AKAP19: variants seen among roughly 807,000 people sequenced by gnomAD.
AKAP19 encodes small A-kinase anchoring protein.
At chr2:190,156,863 T>C in the AKAP19 span, among the ~76,000 whole-genome samples, 1 of 152,132 alleles carries the variant, frequency 6.6e-6, no homozygotes. Flanking sequence ...TAATTAAAAA[T>C]ACATTTACCT....
At chr2:190,018,336 T>C in the AKAP19 span, among the ~76,000 whole-genome samples, 1 of 151,644 alleles carries the variant, frequency 6.6e-6, no homozygotes, top group Non-Finnish European at 1.5e-5. Flanking sequence ...TCCTTCTTAA[T>C]TTTTTTTTCG....
At chr2:190,182,489 C>G in the AKAP19 span, among the ~76,000 whole-genome samples, 8 of 152,152 alleles carry the variant, frequency 5.3e-5, no homozygotes, top group Non-Finnish European at 1.5e-5. Context: ...TATACTTTGT[C>G]TAACCCTAGG....
chr2:190,183,763 C>G, the AKAP19 span, among the ~76,000 whole-genome samples: 1 of 151,834 alleles, frequency 6.6e-6, no homozygotes, highest in Admixed American at 6.6e-5. Context: ...TTTTGGTACC[C>G]TGGAATATAA....
the AKAP19 span, among the ~76,000 whole-genome samples, chr2:190,049,016 T>C: frequency 6.6e-6 from 1 of 152,054 alleles, no homozygotes; most frequent in African/African-American, 2.4e-5. Flanking sequence ...CCTTTCTAAG[T>C]ATTACCAAAA....
chr2:190,078,069 C>T, the AKAP19 span, among the ~76,000 whole-genome samples: 58 of 152,238 alleles, frequency 3.8e-4, no homozygotes, highest in African/African-American at 1.4e-3. Flanking sequence ...TCAAGGGGAC[C>T]TCTAGAGCCT....
the AKAP19 span, among the ~76,000 whole-genome samples, chr2:190,092,267 C>T: frequency 6.6e-6 from 1 of 152,144 alleles, no homozygotes; most frequent in Non-Finnish European, 1.5e-5. Flanking sequence ...CTAAGATTTC[C>T]AGTTTATTGA....
At chr2:189,916,859 A>G in the AKAP19 span, among the ~76,000 whole-genome samples, 1 of 152,150 alleles carries the variant, frequency 6.6e-6, no homozygotes, top group African/African-American at 2.4e-5. Flanking sequence ...TCATTTATCC[A>G]TTGAAGGACA....
At chr2:190,009,596 T>G in the AKAP19 span, among the ~76,000 whole-genome samples, 1 of 152,320 alleles carries the variant, frequency 6.6e-6, no homozygotes, top group Non-Finnish European at 1.5e-5. Context: ...ATGGATATGT[T>G]GAGTTTGAGA....
At chr2:190,148,028 G>T in the AKAP19 span, among the ~76,000 whole-genome samples, 1 of 152,070 alleles carries the variant, frequency 6.6e-6, no homozygotes, top group Non-Finnish European at 1.5e-5. Context: ...CTCTGGCTAG[G>T]ACTTCCAGTA....
chr2:190,043,594 C>T, the AKAP19 span, among the ~76,000 whole-genome samples: 6 of 152,174 alleles, frequency 3.9e-5, no homozygotes, highest in Admixed American at 6.5e-5. Context: ...TCCTGTATTG[C>T]TTCATTGTGA....
At chr2:189,924,210 C>T in the AKAP19 span, 42 of 1,542,886 alleles carry the variant, frequency 2.7e-5, no homozygotes, top group Middle Eastern at 1.8e-4. Flanking sequence ...GCGAGGATGA[C>T]TCTTAAGCAC....
chr2:190,145,458 A>C, the AKAP19 span, among the ~76,000 whole-genome samples: 1 of 152,342 alleles, frequency 6.6e-6, no homozygotes, highest in Admixed American at 6.5e-5. Flanking sequence ...TAGCACAGAT[A>C]ATATCTATAT....
chr2:190,097,943 G>A, the AKAP19 span, among the ~76,000 whole-genome samples: 2 of 151,636 alleles, frequency 1.3e-5, no homozygotes, highest in Non-Finnish European at 2.9e-5. Context: ...CATCTGTTCA[G>A]GTTTTCTCAT....
chr2:190,050,937 G>C, the AKAP19 span, among the ~76,000 whole-genome samples: 1 of 152,284 alleles, frequency 6.6e-6, no homozygotes, highest in Non-Finnish European at 1.5e-5. Context: ...CATTTTCTGT[G>C]TGAGGTCCGT....
chr2:189,970,311 CTG>C, the AKAP19 span, among the ~76,000 whole-genome samples: 9 of 152,164 alleles, frequency 5.9e-5, no homozygotes, highest in Non-Finnish European at 1.0e-4. Context: ...TGTTGAAACT[CTG>C]TGTAATTTTC....
the AKAP19 span, among the ~76,000 whole-genome samples, chr2:190,026,335 C>A: frequency 6.6e-6 from 1 of 152,186 alleles, no homozygotes; most frequent in African/African-American, 2.4e-5. Flanking sequence ...AATTTGGCAT[C>A]TCCTACTCCA....
chr2:190,036,474 T>C, the AKAP19 span, among the ~76,000 whole-genome samples: 2 of 152,194 alleles, frequency 1.3e-5, no homozygotes, highest in South Asian at 2.1e-4. Flanking sequence ...ATAGATTCTT[T>C]TTAAATTTTT....
the AKAP19 span, among the ~76,000 whole-genome samples, chr2:190,129,864 C>G: frequency 2.6e-5 from 4 of 152,170 alleles, no homozygotes; most frequent in African/African-American, 9.7e-5. Context: ...CAGGCCTTCT[C>G]TGTCCTTCTT....
the AKAP19 span, among the ~76,000 whole-genome samples, chr2:189,896,905 C>G: frequency 4.9e-4 from 75 of 151,894 alleles, 1 homozygote; most frequent in Middle Eastern, 3.2e-3. Flanking sequence ...TTAATTTTAA[C>G]TTTTATTCAA....
Sources: allele counts gnomAD v4.1 joint callset (sites outside exome capture counted in the v4.1 genomes callset), GRCh38; gene constraint gnomAD v4.1.1; transcripts MANE v1.5; gene names NCBI Gene and HGNC (gene_info 2026-07-23, HGNC 2026-07-21).